CAMSAP1: variants seen among roughly 807,000 people sequenced by gnomAD.
CAMSAP1 encodes calmodulin-regulated spectrin-associated protein 1.
Under a neutral mutation model 143.5 loss-of-function variants are expected in CAMSAP1, and 58 were observed. That is an observed-to-expected ratio of 0.40 (90% CI 0.33 to 0.50). CAMSAP1 has a LOEUF of 0.50. CAMSAP1 is among the 20% of genes least tolerant of loss of function. The pLI, the probability that CAMSAP1 is intolerant of heterozygous loss-of-function variation, is 0.45. For synonymous variants in CAMSAP1, 945 were observed against 859.3 expected, an observed-to-expected ratio of 1.10 and a Z score of -1.74; for missense variants, 1,969 against 2,115.7, an observed-to-expected ratio of 0.93 and a Z score of 1.36.
chr9:135,878,142 C>T (rs1837814375), intron 3 of CAMSAP1, among the ~76,000 whole-genome samples: 1 of 152,204 alleles, frequency 6.6e-6, no homozygotes, highest in African/African-American at 2.4e-5. Flanking sequence ...ATTAGCCTTT[C>T]CTCAGACGGC....
chr9:135,856,049 T>G (rs960345381), intron 5 of CAMSAP1, among the ~76,000 whole-genome samples: 1 of 151,842 alleles, frequency 6.6e-6, no homozygotes, highest in Non-Finnish European at 1.5e-5. Context: ...GAGACTCCAG[T>G]CTCAAAAAAC....
intron 7 of CAMSAP1, among the ~76,000 whole-genome samples, chr9:135,827,954 C>T (rs374473125): frequency 5.4e-4 from 83 of 152,354 alleles, no homozygotes; most frequent in Middle Eastern, 3.4e-3. Context: ...TGCCCACCAC[C>T]CAGGCTCCTG....
Position 135,879,732 on chromosome 9 carries a change from G to A in CAMSAP1, c.585+1901C>T, listed in dbSNP as rs115996246. ...GAACAACCATTCCCCTCGCAGGAAC[G>A]TGGCCTGAGGGAAATCATCGTGGCT... On this transcript the variant is annotated intron_variant, in intron 3 of 16. Transcript: ENST00000389532. 4.4e-3 allele frequency among the ~76,000 whole-genome samples: 675 copies of A among 151,992 alleles called. 2 individuals are homozygous for A. The highest frequency in any genetic ancestry group is 0.015 in the African/African-American group (628 of 41,428).
At chr9:135,816,194 A>T (rs1345958796) in intron 14 of CAMSAP1, among the ~76,000 whole-genome samples, 189 bp from the exon 15 acceptor site, 1 of 152,210 alleles carries the variant, frequency 6.6e-6, no homozygotes, top group Non-Finnish European at 1.5e-5. Context: ...ATACAAAAGC[A>T]AACACTTCAG....
intron 14 of CAMSAP1, among the ~76,000 whole-genome samples, chr9:135,816,845 C>G (rs1291172747): frequency 2.0e-5 from 3 of 152,184 alleles, no homozygotes; most frequent in East Asian, 1.9e-4. Flanking sequence ...TGAGCAGGAG[C>G]TCCATGGTGG....
At chr9:135,857,866 C>T (rs1052925065) in intron 5 of CAMSAP1, among the ~76,000 whole-genome samples, 4 of 152,194 alleles carry the variant, frequency 2.6e-5, no homozygotes, top group African/African-American at 9.6e-5. Context: ...CACAAAAGCC[C>T]TGATTTCAGT....
rs531580490 is a variant in CAMSAP1, at chr9:135,823,652, G to A, written c.1400+298C>T. On this transcript the variant is annotated intron_variant, in intron 10 of 16. Coordinates refer to ENST00000389532, the MANE Select transcript of CAMSAP1 (RefSeq NM_015447.4). ...GAACGGAAGAAGTTCCTAGTGTTAA[G>A]GGCAGGCACTATTTGACACCTGTAT... Among the ~76,000 whole-genome samples the A allele has an allele frequency of 3.5e-4, 53 of 152,264 alleles. 1 individual carries two copies. In the South Asian group the frequency reaches 8.5e-3, roughly 24 times the overall value.
At chr9:135,833,036 A>C (rs1835903179) in intron 7 of CAMSAP1, among the ~76,000 whole-genome samples, 1 of 151,688 alleles carries the variant, frequency 6.6e-6, no homozygotes, top group Non-Finnish European at 1.5e-5. Flanking sequence ...CAAACCTAAA[A>C]TCTGTATGGA....
Position 135,850,408 on chromosome 9 carries a change from G to A in CAMSAP1, c.862C>T (p.Leu288Phe), listed in dbSNP as rs1378415926. 6.2e-6 allele frequency: 10 copies of A among 1,611,512 alleles called. No homozygotes were observed. Among genetic ancestry groups the A allele is most frequent in the Non-Finnish European group, 8.5e-6 (10 of 1,179,172 alleles). Residue 288 changes from leucine to phenylalanine, a missense_variant, in exon 6 of 17, where the codon CTT becomes TTT. By Grantham distance (22) the Leu-to-Phe change is conservative. Transcript: ENST00000389532. The part of the protein sequence containing the change: ...SMADSLYNIR[L>F]LREFSNEYLN... ...TATTCATTGGAGAATTCTCTCAGAA[G>A]CCGAATATTATACAGACTGTCGGCC...
In CAMSAP1 at chr9:135,886,870, G is replaced by A. The variant is rs531533476; in HGVS notation, c.161-3792C>T. Among the ~76,000 whole-genome samples the A allele has an allele frequency of 9.8e-5, 15 of 152,338 alleles. No individual in the cohort carries two copies. The South Asian group carries it at 2.5e-3, about 25-fold the overall frequency. ...AGCAGGCCTGTGCCTGATGCAGTAC[G>A]ACAAAAACACCAAACTTATAATTCC... is the stretch of plus-strand genomic sequence containing the variant. On this transcript the variant is annotated intron_variant, in intron 1 of 16. Transcript: ENST00000389532.
chr9:135,904,402 CAAAAAAAA>C (rs34983397), intron 1 of CAMSAP1, among the ~76,000 whole-genome samples: 1 of 84,028 alleles, frequency 1.2e-5, no homozygotes, highest in African/African-American at 4.2e-5. Context: ...CTGTCCTCCA[CAAAAAAAA>C]AAAAAAAAAG....
At chr9:135,828,785 G>T (rs990270195) in intron 7 of CAMSAP1, among the ~76,000 whole-genome samples, 1 of 152,278 alleles carries the variant, frequency 6.6e-6, no homozygotes, top group South Asian at 2.1e-4. Flanking sequence ...AAGACAAAAA[G>T]AATTTTGAAA....
Position 135,820,900 on chromosome 9 carries a change from T to C in CAMSAP1, c.3761A>G (p.Asp1254Gly), listed in dbSNP as rs1371867185. The C allele has an allele frequency of 5.6e-6, 9 of 1,613,814 alleles. No individual in the cohort carries two copies. The highest frequency in any genetic ancestry group is 6.8e-6 in the Non-Finnish European group (8 of 1,179,882). The part of the protein sequence containing the change: ...PDEDGELVSL[D>G]GSADLVSEGD... ...TTCGCTGACAAGGTCCGCCGAGCCA[T>C]CGAGGCTTACCAGCTCCCCATCCTC... Residue 1254 changes from aspartate to glycine, a missense_variant, in exon 11 of 17, where the codon GAT becomes GGT. Physicochemically the swap from Asp to Gly is moderately conservative, Grantham distance 94. Around this residue, in one of 4 missense-constraint regions of CAMSAP1, gnomAD observed 1,390 missense variants for 1,420.8 expected, o/e 0.98. Transcript: ENST00000389532. The surrounding 1 kb of genome is among the most constrained non-coding windows in gnomAD (Gnocchi z 4.4).
chr9:135,844,562 A>C (rs1175369796), intron 7 of CAMSAP1, among the ~76,000 whole-genome samples: 3 of 152,226 alleles, frequency 2.0e-5, no homozygotes, highest in African/African-American at 7.2e-5. Context: ...AAGAGCAACG[A>C]AATTCAAAAT....
chr9:135,841,933 C>T (rs1836366735), intron 7 of CAMSAP1, among the ~76,000 whole-genome samples: 2 of 152,130 alleles, frequency 1.3e-5, no homozygotes, highest in South Asian at 2.1e-4. Flanking sequence ...AACCAGAATG[C>T]CTCCTCTCCT....
At chr9:135,814,916 G>C (rs1160260489) in intron 16 of CAMSAP1, among the ~76,000 whole-genome samples, 181 bp downstream of exon 16, 1 of 152,230 alleles carries the variant, frequency 6.6e-6, no homozygotes, top group Non-Finnish European at 1.5e-5. Flanking sequence ...GCTCACTGCA[G>C]CCCCTGGACC....
intron 15 of CAMSAP1, 32 bp downstream of exon 15, chr9:135,815,858 C>T (rs765557548): frequency 1.1e-5 from 17 of 1,577,454 alleles, no homozygotes; most frequent in Non-Finnish European, 1.4e-5. Context: ...GCCATGCCCA[C>T]GATGACCTCT....
At chr9:135,865,247 T>C (rs2130940338) in intron 4 of CAMSAP1, 2 of 1,327,164 alleles carry the variant, frequency 1.5e-6, no homozygotes. Flanking sequence ...AAAACAGTTT[T>C]GGGTGCGAGC....
At chr9:135,869,402 C>T (rs1311372796) in intron 3 of CAMSAP1, among the ~76,000 whole-genome samples, 1 of 151,716 alleles carries the variant, frequency 6.6e-6, no homozygotes, top group East Asian at 1.9e-4. Flanking sequence ...ACTTGAGAGG[C>T]TGAGGCAGGA....
Sources: allele counts gnomAD v4.1 joint callset (sites outside exome capture counted in the v4.1 genomes callset), GRCh38; gene constraint gnomAD v4.1.1; regional missense constraint gnomAD v4.1.1; non-coding constraint Gnocchi (gnomAD v3.1); transcripts MANE v1.5; gene names NCBI Gene and HGNC (gene_info 2026-07-23, HGNC 2026-07-21).